NAV3: variants seen among roughly 807,000 people sequenced by gnomAD.
The protein encoded by NAV3 is pore membrane and/or filament interacting like protein 1.
Under a neutral mutation model 244.7 loss-of-function variants are expected in NAV3, and 87 were observed. That is an observed-to-expected ratio of 0.36 (90% CI 0.30 to 0.42). The LOEUF (loss-of-function observed/expected upper bound fraction) is 0.42, where lower values mean the gene tolerates loss of function less well. Among genes scored for constraint, NAV3 ranks in the 20% least tolerant of loss-of-function variants. NAV3 has a pLI of 1.00. For synonymous variants in NAV3, 1,126 were observed against 1,042.2 expected (o/e 1.08, Z -1.55); for missense variants, 2,663 against 2,893.3 (o/e 0.92, Z 1.83).
chr12:78,073,727 C>T (rs962977691), intron 12 of NAV3, among the ~76,000 whole-genome samples: 14 of 152,046 alleles, frequency 9.2e-5, no homozygotes, highest in Non-Finnish European at 1.5e-4. Flanking sequence ...GAGCCCGCAT[C>T]GCCAAGTCAA....
At chr12:77,956,917 A>AT (rs1300785228) in intron 3 of NAV3, among the ~76,000 whole-genome samples, 1 of 151,670 alleles carries the variant, frequency 6.6e-6, no homozygotes, top group Non-Finnish European at 1.5e-5. Flanking sequence ...TGATTTTTGT[A>AT]TTTTTAGTAG....
At chr12:77,781,840 GAA>G (rs775720402) in intron 2 of NAV3, among the ~76,000 whole-genome samples, 37 of 152,164 alleles carry the variant, frequency 2.4e-4, no homozygotes, top group Admixed American at 1.6e-3. Flanking sequence ...GAGAGAAAGA[GAA>G]GAGAGAATGA....
chr12:77,715,192 G>C (rs1876303546), intron 2 of NAV3, among the ~76,000 whole-genome samples: 1 of 151,836 alleles, frequency 6.6e-6, no homozygotes, highest in South Asian at 2.1e-4. Context: ...TTAGTAGAAA[G>C]CATAATTTGA....
At chr12:78,019,749 G>A (rs1269001225) in intron 8 of NAV3, among the ~76,000 whole-genome samples, 1 of 152,100 alleles carries the variant, frequency 6.6e-6, no homozygotes, top group African/African-American at 2.4e-5. Context: ...TGTGTGAGAT[G>A]ATGCTGGAGA....
intron 2 of NAV3, among the ~76,000 whole-genome samples, chr12:77,694,582 A>G (rs2137174411): frequency 6.6e-6 from 1 of 151,580 alleles, no homozygotes; most frequent in South Asian, 2.1e-4. Flanking sequence ...AACAGATGAC[A>G]GCCTACTACC....
chr12:77,936,414 G>C (rs1230024317), intron 1 of NAV3, among the ~76,000 whole-genome samples: 1 of 152,148 alleles, frequency 6.6e-6, no homozygotes, highest in African/African-American at 2.4e-5. Context: ...AGTCGAAGAA[G>C]ACTGGCTTCA....
intron 12 of NAV3, among the ~76,000 whole-genome samples, chr12:78,080,559 A>C (rs2137815360): frequency 6.6e-6 from 1 of 152,298 alleles, no homozygotes; most frequent in East Asian, 1.9e-4. Flanking sequence ...CACAGTGGGT[A>C]TCAGTATTGA....
intron 1 of NAV3, among the ~76,000 whole-genome samples, chr12:77,879,422 C>A (rs1335655573): frequency 2.0e-5 from 3 of 152,058 alleles, no homozygotes; most frequent in African/African-American, 7.2e-5. Context: ...ATTCCTAAGA[C>A]TTTGGGAGGT....
At chr12:77,970,865 T>A (rs1892945029) in intron 5 of NAV3, among the ~76,000 whole-genome samples, 4 of 152,038 alleles carry the variant, frequency 2.6e-5, no homozygotes, top group Admixed American at 2.6e-4. Flanking sequence ...GCAATTTAAA[T>A]AAAGAAGACA....
intron 1 of NAV3, among the ~76,000 whole-genome samples, chr12:77,933,637 T>C (rs1207938054): frequency 1.3e-5 from 2 of 152,176 alleles, no homozygotes; most frequent in Non-Finnish European, 2.9e-5. Flanking sequence ...AGCTAGATGG[T>C]GAATGTATTA....
chr12:78,051,779 A>G (rs1882798593), intron 11 of NAV3, among the ~76,000 whole-genome samples: 1 of 152,228 alleles, frequency 6.6e-6, no homozygotes, highest in African/African-American at 2.4e-5. Flanking sequence ...AATAGGTCCA[A>G]AAGGAGGCAA....
At chr12:78,024,309 C>G (rs2136859753) in intron 9 of NAV3, among the ~76,000 whole-genome samples, 1 of 152,236 alleles carries the variant, frequency 6.6e-6, no homozygotes, top group Non-Finnish European at 1.5e-5. Context: ...ATGAATGAAC[C>G]AGGAGAAAAC....
At chr12:77,812,396 AT>A (rs1872328559) in intron 2 of NAV3, among the ~76,000 whole-genome samples, 1 of 151,450 alleles carries the variant, frequency 6.6e-6, no homozygotes, top group Non-Finnish European at 1.5e-5. Context: ...GAGGAATTTC[AT>A]TTCTTTCTTT....
rs546952884 is a variant in NAV3, at chr12:77,675,592, T to C, written c.72+103326T>C. 1.2e-4 allele frequency among the ~76,000 whole-genome samples: 19 copies of C among 152,324 alleles called. No individual in the cohort carries two copies. In the South Asian group the frequency reaches 3.7e-3, roughly 30 times the overall value. On this transcript the variant is annotated intron_variant, in intron 2 of 8. Transcript: ENST00000550042. The stretch of plus-strand genomic sequence containing the variant: ...ACCTAGAAAGATTGTCATGTAAAAC[T>C]GACCATCACACCAATGCAATTTAAA...
intron 2 of NAV3, among the ~76,000 whole-genome samples, chr12:77,819,848 G>C (rs1027595680): frequency 6.6e-6 from 1 of 152,022 alleles, no homozygotes; most frequent in African/African-American, 2.4e-5. Flanking sequence ...AGATATTTTA[G>C]GGCAACATAT....
intron 1 of NAV3, among the ~76,000 whole-genome samples, chr12:77,879,098 C>T (rs893700873): frequency 1.3e-5 from 2 of 152,060 alleles, no homozygotes; most frequent in African/African-American, 4.8e-5. Context: ...GTTTGTAGCC[C>T]TATGCCACCA....
At chr12:77,860,966 C>T (rs1466534629) in intron 1 of NAV3, among the ~76,000 whole-genome samples, 1 of 151,906 alleles carries the variant, frequency 6.6e-6, no homozygotes, top group African/African-American at 2.4e-5. Flanking sequence ...TGGTGTATGT[C>T]TGTCTGTGGA....
chr12:77,634,935 A>G (rs1209087383), intron 2 of NAV3, among the ~76,000 whole-genome samples: 1 of 152,124 alleles, frequency 6.6e-6, no homozygotes, highest in African/African-American at 2.4e-5. Context: ...TTTTTAAGAA[A>G]TAGGGTCTTG....
chr12:77,664,270 C>T (rs539005019), intron 2 of NAV3, among the ~76,000 whole-genome samples: 4 of 152,244 alleles, frequency 2.6e-5, no homozygotes, highest in Admixed American at 1.3e-4. Context: ...CCATGAAAAT[C>T]TTCCTACTTA....
Sources: gnomAD v4.1 joint callset for allele counts (sites outside exome capture counted in the v4.1 genomes callset) on GRCh38, gnomAD v4.1.1 for gene constraint, MANE v1.5 for transcripts, NCBI Gene and HGNC (gene_info 2026-07-23, HGNC 2026-07-21) for gene names.